Variants in COL12A1 observed in about 807,000 individuals in gnomAD.
COL12A1 encodes collagen type XII alpha 1 chain.
A neutral mutation model predicts 349.7 loss-of-function variants in COL12A1; 114 were observed. The observed-to-expected ratio is 0.33, with a 90% CI of 0.28 to 0.38. The LOEUF is 0.38. Among genes scored for constraint, COL12A1 ranks in the 10% least tolerant of loss-of-function variants. The pLI is 1.00. For missense variants in COL12A1, 3,284 were observed against 3,756.9 expected (o/e 0.87, Z 3.29); for synonymous variants, 1,369 against 1,329.0 (o/e 1.03, Z -0.66).
chr6:75,201,842 A>G (rs886090890), intron 2 of COL12A1, among the ~76,000 whole-genome samples: 2 of 151,890 alleles, frequency 1.3e-5, no homozygotes, highest in South Asian at 2.1e-4. Context: ...AAAGCCCTCC[A>G]TTTTCTAGAG....
chr6:75,193,001 A>G (rs1424134197), intron 3 of COL12A1, among the ~76,000 whole-genome samples: 2 of 152,178 alleles, frequency 1.3e-5, no homozygotes, highest in East Asian at 3.8e-4. Flanking sequence ...TCTCAATTCA[A>G]TCAGGAAACC....
In COL12A1 at chr6:75,183,162, C is replaced by G. The variant is rs776736301; in HGVS notation, c.1779G>C (p.Glu593Asp). Reference sequence around the variant, plus strand: ...AATCTTCCACTGTGAACACATGGGTCTCTGCAGGAGGAGAGGCAATAGCTT... The same window carrying G: ...AATCTTCCACTGTGAACACATGGGTGTCTGCAGGAGGAGAGGCAATAGCTT... ...ELEAIASPPA[E>D]THVFTVEDFD... Residue 593 changes from glutamate (E) to aspartate (D), a missense_variant, in exon 10 of 66, where the codon GAG becomes GAC. By Grantham distance (45) the Glu-to-Asp change is conservative. Around this residue, in one of 2 missense-constraint regions of COL12A1, gnomAD observed 2,601 missense variants for 2,824.8 expected, o/e 0.92. Transcript: ENST00000322507. The G allele has an allele frequency of 4.0e-5, 65 of 1,614,034 alleles. No homozygotes were observed. In the South Asian group the frequency reaches 6.6e-4, roughly 16 times the overall value.
At chr6:75,115,665 G>T (rs1030293387) in intron 49 of COL12A1, 119 bp downstream of exon 49, 150 of 1,265,536 alleles carry the variant, frequency 1.2e-4, no homozygotes, top group Admixed American at 5.1e-4. Flanking sequence ...ACCAATCAGG[G>T]TCATCCATAA....
At position 75,151,913 on chromosome 6, in the gene COL12A1, T is replaced by A. The variant is rs200346099; in HGVS notation, c.3954A>T (p.Ala1318=). Residue 1318 remains alanine (A), a synonymous_variant, in exon 20 of 66, where the codon GCA becomes GCT. Transcript: ENST00000322507. ...CCTCATCCTTGAGTTTCTTTGAAGG[T>A]GCTTCAACATCGTCTTGTGATTTTC... is the stretch of plus-strand genomic sequence containing the variant. ...TDGKSQDDVE[A]PSKKLKDEGV... is the part of the protein sequence containing the mutation. 102 of 1,613,856 alleles carry A rather than the reference T, an allele frequency of 6.3e-5. No individual in the cohort carries two copies. In the African/African-American group the frequency reaches 1.2e-3, roughly 20 times the overall value.
At chr6:75,169,621 T>G (rs1768520547) in intron 13 of COL12A1, among the ~76,000 whole-genome samples, 1 of 152,162 alleles carries the variant, frequency 6.6e-6, no homozygotes, top group Non-Finnish European at 1.5e-5. Context: ...TTGAATAATG[T>G]TTAGTCTCAT....
At position 75,205,994 on chromosome 6, in the gene COL12A1, C is replaced by A; in HGVS notation, c.-253G>T. On this transcript the variant is annotated 5_prime_UTR_variant, in exon 1 of 66. Coordinates refer to ENST00000322507, the MANE Select transcript of COL12A1 (RefSeq NM_004370.6). ...GGCGCGGCAGGAAGACTGGAGATGG[C>A]CTGAGCCTGCAGCTGCCGGCGCGCG... The A allele has an allele frequency of 6.5e-6, 1 of 152,974 alleles. No individual in the cohort carries two copies. Among genetic ancestry groups the A allele is most frequent in the Non-Finnish European group, 1.5e-5 (1 of 68,560 alleles). The allele number at this position is 152,974 out of a possible 1,614,324, so 9.5% of individuals were successfully genotyped here.
intron 1 of COL12A1, among the ~76,000 whole-genome samples, chr6:75,203,694 G>A (rs544878109): frequency 1.3e-5 from 2 of 152,250 alleles, no homozygotes; most frequent in South Asian, 2.1e-4. Flanking sequence ...ATTCATCTTT[G>A]TGGTTTCCCA....
At position 75,090,237 on chromosome 6, in the gene COL12A1, G is replaced by A. The variant is rs1002724216; in HGVS notation, c.8814C>T (p.Arg2938=). Residue 2938 remains arginine, a synonymous_variant, in exon 63 of 66, where the codon CGC becomes CGT. Transcript: ENST00000322507. This position sits in a 1 kb window ranked among gnomAD's most constrained non-coding sequence, Gnocchi z 4.1. ...GTGGACCCGGCGGGCCTGGCTGGTT[G>A]CGACTGGACTGGTAATCATTTGGAA... ...NQIPNDYQSS[R]NQPGPPGPPG... The A allele has an allele frequency of 2.5e-6, 4 of 1,613,930 alleles. No homozygotes were observed. Among genetic ancestry groups the A allele is most frequent in the Admixed American group, 1.7e-5 (1 of 60,024 alleles).
chr6:75,096,797 G>C (rs1768054557), intron 59 of COL12A1, among the ~76,000 whole-genome samples: 1 of 149,968 alleles, frequency 6.7e-6, no homozygotes, highest in African/African-American at 2.4e-5. Context: ...TCGGGAGGCT[G>C]AGGCAGGAGA....
At chr6:75,188,242 A>G (rs780398085) in intron 8 of COL12A1, 120 bp downstream of exon 8, 19 of 1,053,226 alleles carry the variant, frequency 1.8e-5, no homozygotes, top group Non-Finnish European at 1.9e-5. Context: ...ACAGTGGAGT[A>G]TACAATTGTA....
In COL12A1 at chr6:75,188,393, T is replaced by C. The variant is rs1298395483; in HGVS notation, c.966A>G (p.Glu322=). ...IISQVCSGVD[E]QLGELVSGEE... ...CTCCACTAACCAATTCACCAAGTTG[T>C]TCATCAACACCTGAGCACACCTGGG... The change falls in exon 8 of 66, where the codon GAA becomes GAG. Residue 322 remains glutamate, a synonymous_variant. Coordinates refer to ENST00000322507, the MANE Select transcript of COL12A1 (RefSeq NM_004370.6). 1 of 1,613,190 alleles carries C rather than the reference T, an allele frequency of 6.2e-7. No individual in the cohort carries two copies. Among genetic ancestry groups the C allele is most frequent in the African/African-American group, 1.3e-5 (1 of 74,884 alleles).
intron 31 of COL12A1, among the ~76,000 whole-genome samples, chr6:75,135,494 T>G (rs561077706): frequency 1.3e-5 from 2 of 152,302 alleles, no homozygotes; most frequent in African/African-American, 4.8e-5. Context: ...GAGCTTAAAG[T>G]TTTTATTCGT....
chr6:75,152,230 C>A lies in COL12A1; in HGVS notation c.3736G>T (p.Asp1246Tyr). The A allele has an allele frequency of 6.2e-7, 1 of 1,613,720 alleles. No individual in the cohort carries two copies. Among genetic ancestry groups the A allele is most frequent in the Non-Finnish European group, 8.5e-7 (1 of 1,179,762 alleles). Residue 1246 changes from aspartate (D) to tyrosine (Y), a missense_variant, in exon 19 of 66, where the codon GAT (aspartate) becomes TAT (tyrosine). Physicochemically the swap from Asp to Tyr is radical, Grantham distance 160 (BLOSUM62 -3). Around this residue, in one of 2 missense-constraint regions of COL12A1, gnomAD observed 2,601 missense variants for 2,824.8 expected, o/e 0.92. Transcript: ENST00000322507. ...TTTAACTGCCACTCTGTTCTGGGAT[C>A]CCCACTATACTGAGCAAGAGCTAAA... ...VQIALAQYSG[D>Y]PRTEWQLNAH... is the part of the protein sequence containing the mutation.
At chr6:75,134,226 A>G (rs1160949086) in intron 32 of COL12A1, among the ~76,000 whole-genome samples, 1 of 152,172 alleles carries the variant, frequency 6.6e-6, no homozygotes, top group Admixed American at 6.5e-5. Context: ...CTAGAAAGTA[A>G]CATCTTTCTC....
At chr6:75,147,536 T>C (rs578126594) in intron 23 of COL12A1, 139 bp downstream of exon 23, 2 of 853,150 alleles carry the variant, frequency 2.3e-6, no homozygotes, top group South Asian at 3.9e-5. Context: ...TCTGGGCACC[T>C]GCACAAAGAT....
chr6:75,135,927 C>G (rs1357567580), intron 31 of COL12A1, among the ~76,000 whole-genome samples: 2 of 152,136 alleles, frequency 1.3e-5, no homozygotes, highest in Admixed American at 6.5e-5. Context: ...ACCTACCTCT[C>G]CCATCCAGCT....
chr6:75,117,321 C>G, intron 47 of COL12A1, 61 bp downstream of exon 47: 1 of 1,539,560 alleles, frequency 6.5e-7, no homozygotes. Flanking sequence ...ATAGAATTGT[C>G]TACTAAGTAA....
chr6:75,097,707 C>T (rs1397438710), intron 58 of COL12A1, among the ~76,000 whole-genome samples: 1 of 151,962 alleles, frequency 6.6e-6, no homozygotes, highest in Non-Finnish European at 1.5e-5. Context: ...ACAGGCTGGC[C>T]CAGGAAGGAT....
At chr6:75,179,692 C>T (rs1769163255) in intron 11 of COL12A1, among the ~76,000 whole-genome samples, 2 of 152,188 alleles carry the variant, frequency 1.3e-5, no homozygotes, top group Non-Finnish European at 2.9e-5. Flanking sequence ...TCACACTATT[C>T]TTTCATGGTC....
Sources: gnomAD v4.1 joint callset for allele counts (sites outside exome capture counted in the v4.1 genomes callset) on GRCh38, gnomAD v4.1.1 for gene constraint, gnomAD v4.1.1 regional missense constraint, Gnocchi (gnomAD v3.1) non-coding constraint, MANE v1.5 for transcripts, NCBI Gene and HGNC (gene_info 2026-07-23, HGNC 2026-07-21) for gene names.